RGS8: variants seen among roughly 807,000 people sequenced by gnomAD.
RGS8 encodes the protein regulator of G-protein signaling 8.
In RGS8, 8 loss-of-function variants were observed where a neutral mutation model predicts 21.7. That is an observed-to-expected ratio of 0.37 (90% confidence interval 0.22 to 0.66). The LOEUF is 0.66. Ranked by LOEUF, RGS8 falls within the 30% of genes least tolerant of loss-of-function variation. RGS8 has a pLI of 0.59. For missense variants in RGS8, 157 were observed against 217.9 expected, an observed-to-expected ratio of 0.72 and a Z score of 1.76; for synonymous variants, 80 against 83.6, an observed-to-expected ratio of 0.96 and a Z score of 0.24.
intron 3 of RGS8, 101 bp from the exon 5 acceptor site, chr1:182,667,074 G>A (rs1663904318): frequency 1.1e-6 from 1 of 899,410 alleles, no homozygotes; most frequent in Non-Finnish European, 1.8e-6. Flanking sequence ...AGCCAGCACT[G>A]CCCCCACCCT....
the RGS8 span, among the ~76,000 whole-genome samples, chr1:182,728,281 A>T: frequency 1.3e-5 from 2 of 152,250 alleles, no homozygotes; most frequent in Non-Finnish European, 2.9e-5. Flanking sequence ...ATAGAACAAT[A>T]TGCAACCATG....
the RGS8 span, among the ~76,000 whole-genome samples, chr1:182,728,902 T>G: frequency 6.6e-6 from 1 of 152,204 alleles, no homozygotes; most frequent in African/African-American, 2.4e-5. Context: ...GCTTAATACC[T>G]AGGTAATGGG....
intron 6 of RGS8, 32 bp downstream of exon 7, chr1:182,648,105 G>C (rs779985771): frequency 1.3e-6 from 2 of 1,570,868 alleles, no homozygotes; most frequent in East Asian, 4.5e-5. Flanking sequence ...AGGAGCCATG[G>C]ATAGACAGGA....
chr1:182,652,286 T>G (rs924432592), intron 5 of RGS8, among the ~76,000 whole-genome samples: 1 of 152,220 alleles, frequency 6.6e-6, no homozygotes, highest in Non-Finnish European at 1.5e-5. Flanking sequence ...TCTTTCTGCC[T>G]TCCTTCATGG....
intron 1 of RGS8, among the ~76,000 whole-genome samples, chr1:182,680,581 T>G (rs2102456454): frequency 6.6e-6 from 1 of 151,936 alleles, no homozygotes; most frequent in Non-Finnish European, 1.5e-5. Flanking sequence ...AACTCTCTTC[T>G]CCTAACCAGA....
the RGS8 span, among the ~76,000 whole-genome samples, chr1:182,694,010 C>T: frequency 6.6e-6 from 1 of 152,016 alleles, no homozygotes; most frequent in African/African-American, 2.4e-5. Flanking sequence ...GTATCCAGTA[C>T]CCTACTGGGT....
intron 2 of RGS8, among the ~76,000 whole-genome samples, chr1:182,670,922 T>C (rs1440604433): frequency 6.6e-6 from 1 of 152,164 alleles, no homozygotes; most frequent in African/African-American, 2.4e-5. Flanking sequence ...TGCCGGTCCC[T>C]AGAAGTCATG....
chr1:182,751,257 G>A, the RGS8 span, among the ~76,000 whole-genome samples: 3 of 152,260 alleles, frequency 2.0e-5, no homozygotes, highest in Admixed American at 6.5e-5. Context: ...CCAAGAATTG[G>A]CATGATTACA....
the RGS8 span, chr1:182,714,575 A>G: frequency 6.6e-6 from 1 of 152,246 alleles, no homozygotes; most frequent in Non-Finnish European, 1.5e-5. Flanking sequence ...AGTCATATTT[A>G]TATGTGAAAT....
chr1:182,688,883 A>G (rs1045117827), upstream of RGS8, among the ~76,000 whole-genome samples: 1 of 152,168 alleles, frequency 6.6e-6, no homozygotes, highest in African/African-American at 2.4e-5. Context: ...GAGCGGGGAA[A>G]CAGAACCTCC....
the RGS8 span, among the ~76,000 whole-genome samples, chr1:182,715,127 C>A: frequency 6.6e-6 from 1 of 152,178 alleles, no homozygotes; most frequent in Non-Finnish European, 1.5e-5. Flanking sequence ...AGAAAACCCA[C>A]TGAAAGTGGC....
upstream of RGS8, among the ~76,000 whole-genome samples, chr1:182,687,308 G>A (rs1315901882): frequency 6.6e-6 from 1 of 152,194 alleles, no homozygotes; most frequent in Non-Finnish European, 1.5e-5. Flanking sequence ...CTCTGAAGAA[G>A]GTGGGACCAT....
the RGS8 span, among the ~76,000 whole-genome samples, chr1:182,696,766 T>A: frequency 2.0e-5 from 3 of 152,346 alleles, no homozygotes; most frequent in African/African-American, 7.2e-5. Context: ...TCACCATTTG[T>A]TATTGATCAT....
chr1:182,727,712 A>G, the RGS8 span, among the ~76,000 whole-genome samples: 1 of 152,088 alleles, frequency 6.6e-6, no homozygotes, highest in African/African-American at 2.4e-5. Flanking sequence ...AATGTTATAA[A>G]TATTTTAGGC....
intron 5 of RGS8, among the ~76,000 whole-genome samples, chr1:182,660,019 T>A (rs1663508383): frequency 6.6e-6 from 1 of 152,192 alleles, no homozygotes; most frequent in African/African-American, 2.4e-5. Flanking sequence ...AAGCTGCCTG[T>A]GGGATCAAGA....
At chr1:182,699,468 C>T in the RGS8 span, among the ~76,000 whole-genome samples, 1 of 152,222 alleles carries the variant, frequency 6.6e-6, no homozygotes, top group African/African-American at 2.4e-5. Flanking sequence ...GGAAAGCAGG[C>T]CCAAGGCCTT....
At chr1:182,644,857 T>C (rs1295950868), downstream of RGS8, 1 of 152,208 alleles carries the variant, frequency 6.6e-6, no homozygotes, top group African/African-American at 2.4e-5. Flanking sequence ...CTGATCTAAC[T>C]AGGAACACCC....
the RGS8 span, among the ~76,000 whole-genome samples, chr1:182,739,880 G>T: frequency 1.3e-5 from 2 of 152,278 alleles, 1 homozygote; most frequent in East Asian, 3.9e-4. Flanking sequence ...GGGAAGGGAA[G>T]GGGGGCAAAC....
At chr1:182,642,891 C>A (rs1471476102), downstream of RGS8, 1 of 149,004 alleles carries the variant, frequency 6.7e-6, no homozygotes, top group East Asian at 2.0e-4. Context: ...AGTTGTGTTA[C>A]TACTATTATT....
Sources: allele counts gnomAD v4.1 joint callset (sites outside exome capture counted in the v4.1 genomes callset), GRCh38; gene constraint gnomAD v4.1.1; transcripts MANE v1.5; gene names NCBI Gene and HGNC (gene_info 2026-07-23, HGNC 2026-07-21).